Variants in PDXDC1 observed in about 807,000 individuals in gnomAD.
PDXDC1 encodes pyridoxal dependent decarboxylase domain containing 1, also known as pyridoxal-dependent decarboxylase domain-containing protein 1.
PDXDC1 carries 42 observed loss-of-function variants against 100.1 expected under a neutral mutation model. The ratio of observed to expected loss-of-function variants is 0.42; its 90% confidence interval spans 0.33 to 0.54. The LOEUF (loss-of-function observed/expected upper bound fraction) is 0.54, where lower values mean the gene tolerates loss of function less well. PDXDC1 is among the 20% of genes least tolerant of loss of function. The pLI is 0.10. For missense variants in PDXDC1, 636 were observed against 979.2 expected (o/e 0.65, Z 4.68); for synonymous variants, 260 against 371.7 (o/e 0.70, Z 3.46).
At chr16:14,999,644 AAG>A (rs1408042963) in intron 3 of PDXDC1, among the ~76,000 whole-genome samples, 2 of 152,256 alleles carry the variant, frequency 1.3e-5, no homozygotes, top group Non-Finnish European at 2.9e-5. Context: ...GTTTTATTCT[AAG>A]AGGTATTTTA....
chr16:15,102,044 C>T (rs1598071832), intron 16 of PDXDC1, among the ~76,000 whole-genome samples: 3 of 152,088 alleles, frequency 2.0e-5, no homozygotes, highest in Non-Finnish European at 2.9e-5. Context: ...GACAGGGTTT[C>T]GCCATGTTGG....
rs762873574 is a variant in PDXDC1 at position 15,092,522 on chromosome 16, A to T, written c.1400-46357A>T. The T allele has an allele frequency of 4.3e-6, 7 of 1,611,296 alleles. No individual in the cohort carries two copies. The highest frequency in any genetic ancestry group is 5.1e-6 in the Non-Finnish European group (6 of 1,177,592). ...ATCTCCCCTTACCTTTTTGTACTTC[A>T]GCAAGACTTCTGTCACAGTTCCACC... On this transcript the variant is annotated intron_variant, in intron 16 of 16. Coordinates refer to the PDXDC1 transcript ENST00000535621.
At chr16:15,032,379 C>T (rs536899464) in intron 17 of PDXDC1, 67 of 170,022 alleles carry the variant, frequency 3.9e-4, no homozygotes, top group South Asian at 1.2e-3. Flanking sequence ...CAGCTGGGCA[C>T]GGTGGCTCAT....
intron 16 of PDXDC1, among the ~76,000 whole-genome samples, chr16:15,030,937 G>A (rs1297050042): frequency 6.6e-6 from 1 of 151,616 alleles, no homozygotes; most frequent in African/African-American, 2.4e-5. Context: ...AATGGAGCCT[G>A]GGGATCTGTG....
chr16:15,149,355 G>A, the PDXDC1 span, among the ~76,000 whole-genome samples: 2 of 152,210 alleles, frequency 1.3e-5, no homozygotes, highest in African/African-American at 4.8e-5. Flanking sequence ...GCCCTCGAGG[G>A]TGGCCCTCCT....
chr16:14,986,170 A>G (rs565409707), intron 1 of PDXDC1, among the ~76,000 whole-genome samples: 17 of 152,326 alleles, frequency 1.1e-4, no homozygotes, highest in African/African-American at 4.1e-4. Flanking sequence ...AAAATGAGCT[A>G]ACTATTAAAG....
At chr16:15,035,376 G>T in intron 21 of PDXDC1, 73 bp from the exon 22 acceptor site, 1 of 742,286 alleles carries the variant, frequency 1.3e-6, no homozygotes, top group Non-Finnish European at 2.2e-6. Flanking sequence ...GAGCAAGGCT[G>T]TGTGAGGGCA....
At chr16:15,024,758 T>G (rs1175741387) in intron 13 of PDXDC1, among the ~76,000 whole-genome samples, 1 of 152,296 alleles carries the variant, frequency 6.6e-6, no homozygotes, top group African/African-American at 2.4e-5. Flanking sequence ...CTTTCAGATC[T>G]TAATTCAAAT....
chr16:15,012,106 A>ATT (rs34296058), intron 8 of PDXDC1, among the ~76,000 whole-genome samples: 16 of 149,116 alleles, frequency 1.1e-4, no homozygotes, highest in Non-Finnish European at 1.6e-4. Flanking sequence ...AAGCAATACA[A>ATT]TTTTTTTTTT....
chr16:15,032,582 A>G (rs2151641785), intron 17 of PDXDC1: 1 of 285,300 alleles, frequency 3.5e-6, no homozygotes, highest in East Asian at 8.7e-5. Context: ...TGAGCCCAGG[A>G]GGTGGAGGTT....
intron 16 of PDXDC1, chr16:15,085,706 G>C (rs1166042417): frequency 6.2e-7 from 1 of 1,612,854 alleles, no homozygotes; most frequent in South Asian, 1.1e-5. Flanking sequence ...GGGCTTTTGA[G>C]GGAAAAAGAA....
chr16:15,030,451 C>T (rs2042974832), intron 16 of PDXDC1, among the ~76,000 whole-genome samples: 1 of 138,042 alleles, frequency 7.2e-6, no homozygotes, highest in Non-Finnish European at 1.5e-5. Flanking sequence ...GAGGCTGAGG[C>T]AGGAGAATCA....
At chr16:15,135,895 C>T in intron 16 of PDXDC1, 3 of 1,577,336 alleles carry the variant, frequency 1.9e-6, no homozygotes, top group South Asian at 1.1e-5. Context: ...GCCCCACAGG[C>T]AGCGCCAGCC....
chr16:15,063,569 G>A (rs2044812181), intron 16 of PDXDC1, among the ~76,000 whole-genome samples: 2 of 151,858 alleles, frequency 1.3e-5, no homozygotes, highest in Non-Finnish European at 2.9e-5. Flanking sequence ...TTAGCCGGGT[G>A]TGGTGGCGGA....
chr16:15,095,577 C>T (rs2046325364), intron 16 of PDXDC1, among the ~76,000 whole-genome samples: 1 of 152,178 alleles, frequency 6.6e-6, no homozygotes, highest in South Asian at 2.1e-4. Flanking sequence ...ATGGGCCCGG[C>T]GCAGTGGCTC....
In PDXDC1 at chr16:15,037,296, GT is replaced by G. The variant is rs2043515800; in HGVS notation, c.*1022del. ...TTCCGAAGTACTGCGTCACTTTGTC[GT>G]AAGTAATGGCCCCTGTGCCTTCTTA... On this transcript the variant is annotated 3_prime_UTR_variant, in exon 23 of 23. Coordinates refer to ENST00000396410, the MANE Select transcript of PDXDC1 (RefSeq NM_015027.4). 6.6e-6 allele frequency: 1 copy of G among 152,196 alleles called. No individual in the cohort carries two copies. Among genetic ancestry groups the G allele is most frequent in the Non-Finnish European group, 1.5e-5 (1 of 68,050 alleles). The allele number at this position is 152,196 out of a possible 1,614,324, so 9.4% of individuals were successfully genotyped here.
At chr16:15,047,380 C>A in intron 16 of PDXDC1, 1 of 1,082,172 alleles carries the variant, frequency 9.2e-7, no homozygotes, top group Non-Finnish European at 1.4e-6. Flanking sequence ...CTTCCACAGC[C>A]ACGTCCTGTA....
intron 16 of PDXDC1, chr16:15,085,636 T>C: frequency 6.2e-7 from 1 of 1,612,878 alleles, no homozygotes; most frequent in Non-Finnish European, 8.5e-7. Context: ...TTTTTATACT[T>C]ACTATCATCT....
chr16:14,985,437 G>A (rs553430048), intron 1 of PDXDC1, among the ~76,000 whole-genome samples: 31 of 152,324 alleles, frequency 2.0e-4, no homozygotes, highest in African/African-American at 6.5e-4. Flanking sequence ...ACAGGCGCCC[G>A]CCAGCACACC....
Sources: gnomAD v4.1 joint callset for allele counts (sites outside exome capture counted in the v4.1 genomes callset) on GRCh38, gnomAD v4.1.1 for gene constraint, MANE v1.5 for transcripts, NCBI Gene and HGNC (gene_info 2026-07-23, HGNC 2026-07-21) for gene names.